ENOX1: variants seen among roughly 807,000 people sequenced by gnomAD.
The protein encoded by ENOX1 is candidate growth-related and time keeping constitutive hydroquinone (NADH) oxidase.
ENOX1 carries 42 observed loss-of-function variants against 82.5 expected under a neutral mutation model. The observed-to-expected ratio is 0.51, with a 90% confidence interval of 0.40 to 0.66. The LOEUF (loss-of-function observed/expected upper bound fraction) is 0.66, where lower values mean the gene tolerates loss of function less well. Ranked by LOEUF, ENOX1 falls within the 30% of genes least tolerant of loss-of-function variation. The pLI is 0.00. For synonymous variants in ENOX1, 271 were observed against 282.2 expected (o/e 0.96, Z 0.40); for missense variants, 608 against 811.6 (o/e 0.75, Z 3.05).
chr13:43,298,692 T>G (rs183445339), intron 11 of ENOX1, among the ~76,000 whole-genome samples, 162 bp from the exon 12 acceptor site: 1 of 152,216 alleles, frequency 6.6e-6, no homozygotes, highest in South Asian at 2.1e-4. Context: ...GTAGTCGGTA[T>G]GCATCACTTC....
chr13:43,728,167 A>G lies in ENOX1; in HGVS notation c.-285+58485T>C, dbSNP rs543631091. Among the ~76,000 whole-genome samples, 11 of 152,284 alleles carry G rather than the reference A, an allele frequency of 7.2e-5. No individual in the cohort carries two copies. The South Asian group carries it at 2.3e-3, about 32-fold the overall frequency. On this transcript the variant is annotated intron_variant, in intron 1 of 16. Transcript: ENST00000690772. ...GAAAAAACAGAAATGAGGTGGGGTT[A>G]GGGCAAGTGACCTGTGAATCAAACC...
intron 3 of ENOX1, among the ~76,000 whole-genome samples, chr13:43,478,054 GTTTTTTT>G (rs756717438): frequency 2.0e-5 from 2 of 100,450 alleles, no homozygotes; most frequent in Non-Finnish European, 3.9e-5. Context: ...AGCCAGAGAG[GTTTTTTT>G]TTTTTTTTTT....
At chr13:43,383,444 T>C in intron 5 of ENOX1, among the ~76,000 whole-genome samples, 1 of 152,140 alleles carries the variant, frequency 6.6e-6, no homozygotes, top group East Asian at 1.9e-4. Flanking sequence ...TCATTCTGGG[T>C]GCTAAAATGA....
chr13:43,302,517 A>G, intron 11 of ENOX1, among the ~76,000 whole-genome samples: 1 of 152,358 alleles, frequency 6.6e-6, no homozygotes, highest in East Asian at 1.9e-4. Flanking sequence ...ATAAAATTGG[A>G]AAAATTTTGC....
chr13:43,382,386 C>T (rs1256352940), intron 5 of ENOX1, among the ~76,000 whole-genome samples: 1 of 152,094 alleles, frequency 6.6e-6, no homozygotes, highest in Non-Finnish European at 1.5e-5. Flanking sequence ...CACATATGAT[C>T]ATACTTAAAA....
chr13:43,544,859 G>A (rs760190190), intron 2 of ENOX1: 3 of 152,114 alleles, frequency 2.0e-5, no homozygotes, highest in Admixed American at 1.3e-4. Context: ...AGGCTGAAGA[G>A]GGAGTGATAT....
At chr13:43,513,403 G>A (rs1221149754) in intron 2 of ENOX1, among the ~76,000 whole-genome samples, 1 of 152,148 alleles carries the variant, frequency 6.6e-6, no homozygotes, top group Non-Finnish European at 1.5e-5. Flanking sequence ...CCGGAGAGGT[G>A]AGCACAGGCT....
At chr13:43,407,025 C>A (rs2053841751) in intron 5 of ENOX1, among the ~76,000 whole-genome samples, 1 of 152,122 alleles carries the variant, frequency 6.6e-6, no homozygotes, top group Non-Finnish European at 1.5e-5. Flanking sequence ...AAACTTAAAA[C>A]CTGGGTACTC....
At chr13:43,279,318 C>T (rs552338853) in intron 12 of ENOX1, among the ~76,000 whole-genome samples, 1 of 152,180 alleles carries the variant, frequency 6.6e-6, no homozygotes, top group Non-Finnish European at 1.5e-5. Flanking sequence ...CAAAGGCTAG[C>T]GTGATTAGCT....
Position 43,746,172 on chromosome 13 carries a change from T to C in ENOX1, c.-285+40480A>G, listed in dbSNP as rs184570744. 1.3e-3 allele frequency among the ~76,000 whole-genome samples: 204 copies of C among 152,246 alleles called. 1 individual carries two copies. Among genetic ancestry groups the C allele is most frequent in the African/African-American group, 4.8e-3 (200 of 41,558 alleles). ...GAATATAAACAACTATATTAATATA[T>C]GTCAGTGTGTACACCAGAAAGAAAA... On this transcript the variant is annotated intron_variant, in intron 1 of 16. Coordinates refer to ENST00000690772, the MANE Select transcript of ENOX1 (RefSeq NM_001347969.2).
chr13:43,680,974 CATGA>C (rs1309911530), intron 1 of ENOX1, among the ~76,000 whole-genome samples: 6 of 151,934 alleles, frequency 3.9e-5, no homozygotes, highest in Non-Finnish European at 7.4e-5. Context: ...AACAGAGAAA[CATGA>C]AAGGAGAGAA....
chr13:43,422,036 GA>G (rs2055008551), intron 3 of ENOX1, among the ~76,000 whole-genome samples: 1 of 151,678 alleles, frequency 6.6e-6, no homozygotes, highest in African/African-American at 2.4e-5. Context: ...CCAAAGCTTG[GA>G]AGTTTAAAGC....
intron 9 of ENOX1, among the ~76,000 whole-genome samples, chr13:43,330,164 A>T (rs1433007194): frequency 6.6e-6 from 1 of 152,242 alleles, no homozygotes; most frequent in East Asian, 1.9e-4. Flanking sequence ...ATACAATAAA[A>T]CCTGTTAAGA....
At chr13:43,669,886 A>T (rs1189723026) in intron 1 of ENOX1, among the ~76,000 whole-genome samples, 3 of 152,216 alleles carry the variant, frequency 2.0e-5, no homozygotes, top group Admixed American at 1.3e-4. Context: ...ATTCTGGAGT[A>T]CTTGGCTGTT....
intron 2 of ENOX1, among the ~76,000 whole-genome samples, chr13:43,538,775 T>C (rs1334906649): frequency 6.6e-6 from 1 of 151,986 alleles, no homozygotes; most frequent in African/African-American, 2.4e-5. Flanking sequence ...TTTTCCTTGT[T>C]TGAGGTTGAA....
At position 43,575,013 on chromosome 13, in the gene ENOX1, T is replaced by G. The variant is rs573444014; in HGVS notation, c.-218-90861A>C. On this transcript the variant is annotated intron_variant, in intron 2 of 16. Transcript: ENST00000690772. The stretch of plus-strand genomic sequence containing the variant: ...ACAAAAGAGAGAGCCACATTCTGCT[T>G]AGGAGCTTATTGCTTTAAAAGTTCA... 2.6e-5 allele frequency among the ~76,000 whole-genome samples: 4 copies of G among 152,330 alleles called. No homozygotes were observed. In the South Asian group the frequency reaches 8.3e-4, roughly 32 times the overall value.
chr13:43,248,127 C>T lies in ENOX1; in HGVS notation c.1612-11389G>A, dbSNP rs958951131. On this transcript the variant is annotated intron_variant, in intron 14 of 16. Transcript: ENST00000690772. ...GTCTCGATCTCCTGACCTCGTGATC[C>T]GCCCGCCTCGGCCTCCCAAAGTGCT... Among the ~76,000 whole-genome samples the T allele has an allele frequency of 4.0e-5, 6 of 151,052 alleles. No homozygotes were observed. The East Asian group carries it at 7.9e-4, about 20-fold the overall frequency.
intron 2 of ENOX1, among the ~76,000 whole-genome samples, chr13:43,649,592 G>C (rs1379230694): frequency 1.3e-5 from 2 of 152,158 alleles, no homozygotes; most frequent in Admixed American, 6.5e-5. Context: ...TAGAGCCAGA[G>C]TATCTAGATT....
intron 2 of ENOX1, among the ~76,000 whole-genome samples, chr13:43,666,691 C>T (rs1259429882): frequency 6.6e-6 from 1 of 152,196 alleles, no homozygotes; most frequent in African/African-American, 2.4e-5. Context: ...GTTTGTGGTG[C>T]TTTGTTAAGG....
Sources: gnomAD v4.1 joint callset for allele counts (sites outside exome capture counted in the v4.1 genomes callset) on GRCh38, gnomAD v4.1.1 for gene constraint, MANE v1.5 for transcripts, NCBI Gene and HGNC (gene_info 2026-07-23, HGNC 2026-07-21) for gene names.